MAP4K4: variants seen among roughly 807,000 people sequenced by gnomAD.
MAP4K4 encodes mitogen-activated protein kinase kinase kinase kinase 4.
A neutral mutation model predicts 189.6 loss-of-function variants in MAP4K4; 38 were observed. That is an observed-to-expected ratio of 0.20 (90% CI 0.15 to 0.26). MAP4K4 has a LOEUF of 0.26. Among genes scored for constraint, MAP4K4 ranks in the 10% least tolerant of loss-of-function variants. The pLI, the probability that MAP4K4 is intolerant of heterozygous loss-of-function variation, is 1.00. For missense variants in MAP4K4, 1,054 were observed against 1,726.9 expected, an observed-to-expected ratio of 0.61 and a Z score of 6.91; for synonymous variants, 610 against 624.3, an observed-to-expected ratio of 0.98 and a Z score of 0.34.
At chr2:101,861,103 A>T (rs1054345399) in intron 16 of MAP4K4, 117 bp downstream of exon 16, 28 of 929,792 alleles carry the variant, frequency 3.0e-5, no homozygotes, top group Non-Finnish European at 3.9e-5. Flanking sequence ...AGGAGAGATT[A>T]GCAGGAGTGA....
At chr2:101,797,550 G>GA (rs1300824154) in intron 3 of MAP4K4, among the ~76,000 whole-genome samples, 3 of 151,658 alleles carry the variant, frequency 2.0e-5, no homozygotes, top group Non-Finnish European at 4.4e-5. Flanking sequence ...TCTTACCTTA[G>GA]ACAACTTTTA....
intron 3 of MAP4K4, among the ~76,000 whole-genome samples, chr2:101,814,414 A>C (rs541819662): frequency 4.6e-5 from 7 of 152,322 alleles, no homozygotes; most frequent in African/African-American, 1.4e-4. Context: ...GGTTCCCATG[A>C]GGCTCTTCCA....
At chr2:101,875,960 G>A (rs2098191636) in intron 26 of MAP4K4, among the ~76,000 whole-genome samples, 1 of 152,180 alleles carries the variant, frequency 6.6e-6, no homozygotes, top group Non-Finnish European at 1.5e-5. Flanking sequence ...ATGAGAAAGT[G>A]GAGAGAAGCT....
At chr2:101,874,036 A>T (rs770838539) in intron 25 of MAP4K4, 46 bp from the exon 26 acceptor site, 5 of 1,463,116 alleles carry the variant, frequency 3.4e-6, no homozygotes, top group Middle Eastern at 2.2e-4. Context: ...AGGCAGGCAT[A>T]GTGTGTGTGT....
intron 2 of MAP4K4, among the ~76,000 whole-genome samples, chr2:101,720,440 T>C (rs1260045549): frequency 6.6e-6 from 1 of 152,166 alleles, no homozygotes; most frequent in Non-Finnish European, 1.5e-5. Flanking sequence ...TCCTGGACTA[T>C]AGAATGATAG....
intron 2 of MAP4K4, among the ~76,000 whole-genome samples, chr2:101,782,194 T>G (rs2087965380): frequency 1.3e-5 from 2 of 152,228 alleles, no homozygotes; most frequent in South Asian, 4.1e-4. Flanking sequence ...TATTTTACTT[T>G]CAGTTATCTG....
intron 3 of MAP4K4, among the ~76,000 whole-genome samples, chr2:101,803,572 A>G (rs959752583): frequency 7.2e-5 from 11 of 152,126 alleles, no homozygotes; most frequent in Non-Finnish European, 1.2e-4. Context: ...TTCTCTTCAT[A>G]GGACTGGGGT....
chr2:101,869,599 CT>C, intron 21 of MAP4K4, 22 bp from the exon 22 acceptor site: 1 of 1,596,190 alleles, frequency 6.3e-7, no homozygotes. Flanking sequence ...GCCTTACTCT[CT>C]CTTTTCTGTC....
intron 11 of MAP4K4, among the ~76,000 whole-genome samples, chr2:101,843,806 G>A (rs373154288): frequency 7.2e-5 from 11 of 152,136 alleles, no homozygotes; most frequent in East Asian, 3.9e-4. Context: ...CAAAGAAGGT[G>A]ATTTCAACCT....
intron 10 of MAP4K4, among the ~76,000 whole-genome samples, chr2:101,842,086 G>A (rs1028049875): frequency 2.0e-5 from 3 of 152,216 alleles, no homozygotes; most frequent in East Asian, 1.9e-4. Flanking sequence ...TTGTTTGTGG[G>A]TACATTTGGC....
intron 12 of MAP4K4, among the ~76,000 whole-genome samples, chr2:101,854,014 T>G (rs2097366211): frequency 6.6e-6 from 1 of 152,206 alleles, no homozygotes; most frequent in African/African-American, 2.4e-5. Flanking sequence ...TGATTTTGTT[T>G]CGTTTTGCCT....
intron 3 of MAP4K4, chr2:101,797,452 C>T: frequency 8.3e-7 from 1 of 1,197,756 alleles, no homozygotes; most frequent in Non-Finnish European, 1.1e-6. Context: ...CCCTCCTTAT[C>T]TTCTTATCTT....
At chr2:101,826,310 G>A (rs2096356766) in intron 5 of MAP4K4, among the ~76,000 whole-genome samples, 1 of 151,472 alleles carries the variant, frequency 6.6e-6, no homozygotes, top group Non-Finnish European at 1.5e-5. Flanking sequence ...ATAGAGGATT[G>A]CAGGTTTAAA....
intron 32 of MAP4K4, 136 bp from the exon 33 acceptor site, chr2:101,891,030 T>C: frequency 3.0e-6 from 2 of 677,468 alleles, no homozygotes; most frequent in South Asian, 3.6e-5. Flanking sequence ...GGCCTCAGAG[T>C]TTCTTTTGAA....
chr2:101,736,525 T>C (rs1224103315), intron 2 of MAP4K4, among the ~76,000 whole-genome samples: 2 of 152,238 alleles, frequency 1.3e-5, no homozygotes, highest in African/African-American at 2.4e-5. Flanking sequence ...TGGTTAGTAA[T>C]GGAGAGGGAT....
intron 21 of MAP4K4, 82 bp downstream of exon 21, chr2:101,868,119 C>T: frequency 1.4e-6 from 2 of 1,445,180 alleles, no homozygotes; most frequent in Non-Finnish European, 1.9e-6. Context: ...AGCTGCGGTC[C>T]TGCTCCTTCC....
chr2:101,712,884 G>C (rs572777268), intron 2 of MAP4K4, among the ~76,000 whole-genome samples: 1 of 148,992 alleles, frequency 6.7e-6, no homozygotes, highest in East Asian at 2.0e-4. Flanking sequence ...TTAATTAAAA[G>C]TTTCTGTTAA....
At chr2:101,879,215 A>C (rs2098305558) in intron 27 of MAP4K4, among the ~76,000 whole-genome samples, 1 of 149,438 alleles carries the variant, frequency 6.7e-6, no homozygotes, top group Non-Finnish European at 1.5e-5. Context: ...AAAAAAAAAA[A>C]AAAATTAATA....
chr2:101,844,501 TTAGAAA>T (rs1472384315), intron 12 of MAP4K4, among the ~76,000 whole-genome samples, 190 bp downstream of exon 12: 2 of 152,212 alleles, frequency 1.3e-5, no homozygotes, highest in Non-Finnish European at 2.9e-5. Context: ...CCTTGAGGCC[TTAGAAA>T]TGTTTTCCTT....
Sources: allele counts gnomAD v4.1 joint callset (sites outside exome capture counted in the v4.1 genomes callset), GRCh38; gene constraint gnomAD v4.1.1; transcripts MANE v1.5; gene names NCBI Gene and HGNC (gene_info 2026-07-23, HGNC 2026-07-21).